The following PHACTR4 variants were observed in gnomAD, a reference collection of about 807,000 sequenced individuals.
PHACTR4 encodes the protein phosphatase and actin regulator 4.
In PHACTR4, 51 loss-of-function variants were observed where a neutral mutation model predicts 72.7. That is an observed-to-expected ratio of 0.70 (90% CI 0.56 to 0.89). The LOEUF (loss-of-function observed/expected upper bound fraction) is 0.89, where lower values mean the gene tolerates loss of function less well. Among genes scored for constraint, PHACTR4 ranks in the 40% least tolerant of loss-of-function variants. The pLI is 0.00. For missense variants in PHACTR4, 731 were observed against 861.8 expected (o/e 0.85, Z 1.90); for synonymous variants, 255 against 302.5 (o/e 0.84, Z 1.63).
chr1:28,370,472 A>G (rs1416987336), intron 1 of PHACTR4, among the ~76,000 whole-genome samples: 3 of 152,188 alleles, frequency 2.0e-5, no homozygotes, highest in African/African-American at 7.2e-5. Context: ...CCGGGAAGGC[A>G]TCGAATTTGC....
At position 28,470,037 on chromosome 1, in the gene PHACTR4, C is replaced by T. The variant is rs143495998; in HGVS notation, c.823+3269C>T. Reference sequence around the variant, plus strand: ...TTGCACCACTGTACTCCAACCTAGGCAACAGAGCGAGACTCTGTCTCAAAA... The same window carrying T: ...TTGCACCACTGTACTCCAACCTAGGTAACAGAGCGAGACTCTGTCTCAAAA... On this transcript the variant is annotated intron_variant, in intron 6 of 13. Coordinates refer to ENST00000373839, the MANE Select transcript of PHACTR4 (RefSeq NM_001048183.3). Among the ~76,000 whole-genome samples, 760 of 149,122 alleles carry T rather than the reference C, an allele frequency of 5.1e-3. 5 individuals are homozygous for T. The highest frequency in any genetic ancestry group is 0.018 in the African/African-American group (713 of 40,448).
intron 2 of PHACTR4, among the ~76,000 whole-genome samples, chr1:28,423,544 G>A (rs74064736): frequency 0.087 from 13,235 of 152,106 alleles, 1,231 homozygotes; most frequent in African/African-American, 0.24. Context: ...ATATAAACCT[G>A]TGCTTCAGTA....
intron 1 of PHACTR4, among the ~76,000 whole-genome samples, chr1:28,393,745 G>C (rs1185126859): frequency 6.6e-6 from 1 of 151,670 alleles, no homozygotes; most frequent in Non-Finnish European, 1.5e-5. Flanking sequence ...TCACTTTGTT[G>C]CCCAGGCTGG....
chr1:28,448,062 C>T (rs1045950799), intron 2 of PHACTR4, among the ~76,000 whole-genome samples: 5 of 152,174 alleles, frequency 3.3e-5, no homozygotes, highest in South Asian at 2.1e-4. Flanking sequence ...GAATGTTCTA[C>T]GTTTACAATG....
chr1:28,385,911 G>A (rs925664527), intron 1 of PHACTR4, among the ~76,000 whole-genome samples: 2 of 152,006 alleles, frequency 1.3e-5, no homozygotes, highest in Non-Finnish European at 2.9e-5. Context: ...CACCACGCCC[G>A]GCTGGTTTTA....
At chr1:28,453,953 C>T (rs1223617433) in intron 2 of PHACTR4, 24 of 603,044 alleles carry the variant, frequency 4.0e-5, no homozygotes, top group African/African-American at 3.1e-4. Context: ...CGGTGGCACA[C>T]GCCCGTAATC....
intron 9 of PHACTR4, among the ~76,000 whole-genome samples, chr1:28,482,713 G>A (rs549938863): frequency 3.3e-5 from 5 of 152,042 alleles, no homozygotes; most frequent in Non-Finnish European, 7.4e-5. Flanking sequence ...CTTGAGGTGG[G>A]AGGCTCACTT....
chr1:28,486,469 G>A (rs1660650376), intron 9 of PHACTR4, among the ~76,000 whole-genome samples: 1 of 152,182 alleles, frequency 6.6e-6, no homozygotes, highest in Admixed American at 6.5e-5. Context: ...TGTTAAGTAT[G>A]TACACAGTTG....
chr1:28,404,096 C>T (rs576233414), intron 1 of PHACTR4, among the ~76,000 whole-genome samples: 3 of 152,068 alleles, frequency 2.0e-5, no homozygotes, highest in African/African-American at 7.2e-5. Context: ...ACTATAGGCA[C>T]GTGCCACCAT....
intron 2 of PHACTR4, among the ~76,000 whole-genome samples, chr1:28,444,724 TC>T (rs1425699817): frequency 2.7e-5 from 4 of 148,764 alleles, no homozygotes; most frequent in Non-Finnish European, 1.5e-5. Flanking sequence ...CACGCCATTC[TC>T]CTGCCTCAGC....
rs771901291 is a variant in PHACTR4, at chr1:28,473,988, C to T, written c.1258C>T (p.Arg420Ter). ...SRLPPLPLHI[R>*]IQQALTSPLP... ...GCTGCCTCCACTCCCACTGCATATT[C>T]GAATCCAGCAGGCCCTCACCAGCCC... The change falls in exon 7 of 14, where the codon CGA becomes TGA. Residue 420 changes from arginine to a stop codon, truncating the protein, a stop_gained. Transcript: ENST00000373839. LOFTEE classifies it high-confidence loss of function. 10 of 1,614,028 alleles carry T rather than the reference C, an allele frequency of 6.2e-6. No individual in the cohort carries two copies. The highest frequency in any genetic ancestry group is 8.5e-6 in the Non-Finnish European group (10 of 1,180,044).
At chr1:28,483,048 C>A (rs759565458) in intron 9 of PHACTR4, among the ~76,000 whole-genome samples, 2 of 151,900 alleles carry the variant, frequency 1.3e-5, no homozygotes, top group African/African-American at 2.4e-5. Context: ...TTGTTCTCTG[C>A]AATTTCTTTA....
chr1:28,401,608 T>G (rs1221792705), intron 1 of PHACTR4, among the ~76,000 whole-genome samples: 1 of 151,840 alleles, frequency 6.6e-6, no homozygotes, highest in Non-Finnish European at 1.5e-5. Flanking sequence ...TGCCCTTTTT[T>G]TTGTTGTTGT....
chr1:28,446,857 C>T (rs1057101473), intron 2 of PHACTR4, among the ~76,000 whole-genome samples: 1 of 152,116 alleles, frequency 6.6e-6, no homozygotes, highest in Non-Finnish European at 1.5e-5. Context: ...GTCTACTCCC[C>T]CTTCATCTTC....
intron 2 of PHACTR4, among the ~76,000 whole-genome samples, chr1:28,413,479 C>T (rs1259417552): frequency 2.0e-5 from 3 of 152,182 alleles, no homozygotes; most frequent in East Asian, 1.9e-4. Flanking sequence ...ATGTCTTCCT[C>T]TGTCTTGGTT....
At chr1:28,471,762 G>A (rs538956546) in intron 6 of PHACTR4, among the ~76,000 whole-genome samples, 1 of 152,020 alleles carries the variant, frequency 6.6e-6, no homozygotes, top group East Asian at 1.9e-4. Flanking sequence ...ATATATTGAG[G>A]GTCCACTAGA....
intron 2 of PHACTR4, among the ~76,000 whole-genome samples, chr1:28,421,394 T>G (rs940601923): frequency 2.9e-5 from 4 of 136,916 alleles, no homozygotes; most frequent in Non-Finnish European, 6.7e-5. Context: ...GGTTTTTTTG[T>G]TTTTTTTTTT....
At chr1:28,442,349 A>T (rs1444681403) in intron 2 of PHACTR4, among the ~76,000 whole-genome samples, 2 of 151,524 alleles carry the variant, frequency 1.3e-5, no homozygotes, top group Non-Finnish European at 2.9e-5. Context: ...CTGTAGTCCC[A>T]GCTACTCAGG....
intron 13 of PHACTR4, among the ~76,000 whole-genome samples, chr1:28,494,526 C>T (rs1184068708): frequency 6.6e-6 from 1 of 152,164 alleles, no homozygotes; most frequent in Non-Finnish European, 1.5e-5. Context: ...TGGTGGCATG[C>T]CTGTAGTCCC....
Sources: gnomAD v4.1 joint callset for allele counts (sites outside exome capture counted in the v4.1 genomes callset) on GRCh38, gnomAD v4.1.1 for gene constraint, MANE v1.5 for transcripts, NCBI Gene and HGNC (gene_info 2026-07-23, HGNC 2026-07-21) for gene names.